PIEZO2: variants seen among roughly 807,000 people sequenced by gnomAD.
The protein encoded by PIEZO2 is piezo type mechanosensitive ion channel component 2, also known as piezo-type mechanosensitive ion channel component 2.
PIEZO2 carries 172 observed loss-of-function variants against 337.3 expected under a neutral mutation model. That is an observed-to-expected ratio of 0.51 (90% CI 0.45 to 0.58). PIEZO2 has a LOEUF of 0.58. Among genes scored for constraint, PIEZO2 ranks in the 20% least tolerant of loss-of-function variants. The probability of loss-of-function intolerance (pLI) is 0.00; values close to 1 mark genes in which losing one functional copy is unlikely to be tolerated. For synonymous variants in PIEZO2, 1,251 were observed against 1,228.5 expected (o/e 1.02, Z -0.38); for missense variants, 3,028 against 3,391.3 (o/e 0.89, Z 2.66).
rs537254265 is a variant in PIEZO2 at position 10,859,200 on chromosome 18, C to T, written c.493-1989G>A. Among the ~76,000 whole-genome samples, 30 of 152,296 alleles carry T rather than the reference C, an allele frequency of 2.0e-4. No individual in the cohort carries two copies. In the South Asian group the frequency reaches 4.8e-3, roughly 24 times the overall value. ...CAAAGTTACCAGCCCTGTGAAAGTC[C>T]TGGCAAAGTGCATTCCGGGTGGAGG... is the stretch of plus-strand genomic sequence containing the variant. On this transcript the variant is annotated intron_variant, in intron 5 of 55. Transcript: ENST00000674853. This position sits in a 1 kb window ranked among gnomAD's most constrained non-coding sequence, Gnocchi z 4.9.
In PIEZO2 at chr18:10,982,708, A is replaced by C. The variant is rs932175499; in HGVS notation, c.161-3048T>G. Among the ~76,000 whole-genome samples the C allele has an allele frequency of 6.6e-6, 1 of 152,058 alleles. No homozygotes were observed. Among genetic ancestry groups the C allele is most frequent in the Admixed American group, 6.6e-5 (1 of 15,244 alleles). On this transcript the variant is annotated intron_variant, in intron 2 of 55. Coordinates refer to ENST00000674853, the MANE Select transcript of PIEZO2 (RefSeq NM_001378183.1). The surrounding 1 kb of genome is among the most constrained non-coding windows in gnomAD (Gnocchi z 4.1). ...ATCATAGCAGATATTAAAATATGTT[A>C]TAAAACCATATGTTTATTTATTTTT...
At chr18:10,922,576 A>C (rs1480567308) in intron 3 of PIEZO2, among the ~76,000 whole-genome samples, 1 of 152,006 alleles carries the variant, frequency 6.6e-6, no homozygotes, top group Non-Finnish European at 1.5e-5. Flanking sequence ...CTGAGCGAGG[A>C]GAAGACCCTG....
At chr18:10,906,639 C>A (rs918198171) in intron 4 of PIEZO2, among the ~76,000 whole-genome samples, 6 of 152,052 alleles carry the variant, frequency 3.9e-5, no homozygotes, top group African/African-American at 1.2e-4. Flanking sequence ...GGGCTCACTG[C>A]AACCTCCGCC....
At position 10,759,392 on chromosome 18, in the gene PIEZO2, G is replaced by C. The variant is rs2038024593; in HGVS notation, c.3757+90C>G. The C allele has an allele frequency of 9.0e-7, 1 of 1,107,236 alleles. No individual in the cohort carries two copies. The highest frequency in any genetic ancestry group is 1.6e-5 in the African/African-American group (1 of 64,260). The allele number at this position is 1,107,236 out of a possible 1,614,324, so 68.6% of individuals were successfully genotyped here. A position where few individuals can be genotyped will look rare whatever the true frequency, so the allele number is the denominator to read the frequency against. On this transcript the variant is annotated intron_variant, in intron 26 of 55. Coordinates refer to ENST00000674853, the MANE Select transcript of PIEZO2 (RefSeq NM_001378183.1). The surrounding 1 kb of genome is among the most constrained non-coding windows in gnomAD (Gnocchi z 5.5). ...TACATGATTACGAAGTCTAGTGGAA[G>C]ACAAAAGGCACTAATGCATAGCACG...
chr18:10,687,583 T>A (rs942777899), intron 49 of PIEZO2, among the ~76,000 whole-genome samples: 1 of 152,198 alleles, frequency 6.6e-6, no homozygotes, highest in Non-Finnish European at 1.5e-5. Flanking sequence ...AACATGACTT[T>A]GCCAACCCTA....
At chr18:11,059,974 G>A (rs1266124897) in intron 2 of PIEZO2, among the ~76,000 whole-genome samples, 6 of 152,096 alleles carry the variant, frequency 3.9e-5, no homozygotes, top group East Asian at 3.9e-4. Flanking sequence ...GCACCACACC[G>A]CACTTATTCC....
chr18:10,697,766 T>A lies in PIEZO2; in HGVS notation c.6809A>T (p.Lys2270Ile). The A allele has an allele frequency of 6.2e-7, 1 of 1,614,130 alleles. No homozygotes were observed. The highest frequency in any genetic ancestry group is 1.3e-5 in the African/African-American group (1 of 75,022). Reference sequence around the variant, plus strand: ...GACTCACTTCTTTATGGTAAAGGCTTTTGCTTTGATTAAATGTTCTTGAAG... The same window carrying A: ...GACTCACTTCTTTATGGTAAAGGCTATTGCTTTGATTAAATGTTCTTGAAG... Reference protein sequence around the residue: ...EKLQEHLIKAKAFTIKKTLEI... With the variant: ...EKLQEHLIKAIAFTIKKTLEI... Residue 2270 changes from lysine to isoleucine, a missense_variant, in exon 45 of 56, where the codon AAA becomes ATA. Lys to Ile is a moderately radical substitution (Grantham distance 102). Coordinates refer to ENST00000674853, the MANE Select transcript of PIEZO2 (RefSeq NM_001378183.1).
chr18:10,970,660 T>TCTCACACACACA (rs1254875088), intron 3 of PIEZO2, among the ~76,000 whole-genome samples: 2 of 137,434 alleles, frequency 1.5e-5, no homozygotes, highest in African/African-American at 2.6e-5. Flanking sequence ...AAAAGATGTT[T>TCTCACACACACA]CACACACACA....
At position 10,705,667 on chromosome 18, in the gene PIEZO2, C is replaced by T. The variant is rs575008778; in HGVS notation, c.5668G>A (p.Glu1890Lys). 1 of 1,537,152 alleles carries T rather than the reference C, an allele frequency of 6.5e-7. No homozygotes were observed. Among genetic ancestry groups the T allele is most frequent in the East Asian group, 2.4e-5 (1 of 40,890 alleles). The change falls in exon 41 of 56, where the codon GAG becomes AAG. Residue 1890 changes from glutamate (E) to lysine (K), a missense_variant. Glu to Lys is a moderately conservative substitution (Grantham distance 56, BLOSUM62 1). Around this residue, in one of 5 missense-constraint regions of PIEZO2, gnomAD observed 1,925 missense variants for 2,051.9 expected, o/e 0.94. Transcript: ENST00000674853. ...TIEEVEAEQEEEAGSTAPEPR... is the reference protein window; with the variant it reads ...TIEEVEAEQEKEAGSTAPEPR... ...TCAGGCGCCGTGCTCCCTGCCTCCT[C>T]CTCCTGCTCAGCCTCCACCTCCTCG...
At chr18:10,818,336 G>T (rs1401535615) in intron 7 of PIEZO2, among the ~76,000 whole-genome samples, 6 of 152,176 alleles carry the variant, frequency 3.9e-5, no homozygotes, top group Non-Finnish European at 8.8e-5. Flanking sequence ...CTAATAAGAA[G>T]TTAATATGTA....
At chr18:11,037,727 C>G (rs1013136418) in intron 2 of PIEZO2, among the ~76,000 whole-genome samples, 1 of 152,182 alleles carries the variant, frequency 6.6e-6, no homozygotes, top group African/African-American at 2.4e-5. Context: ...AGGCCTGTGA[C>G]TCCGGCAGTC....
At chr18:11,064,561 T>G (rs994943699) in intron 2 of PIEZO2, among the ~76,000 whole-genome samples, 1 of 152,214 alleles carries the variant, frequency 6.6e-6, no homozygotes, top group African/African-American at 2.4e-5. Context: ...TCCCTGATAG[T>G]GTCAGTCCTT....
At position 11,111,893 on chromosome 18, in the gene PIEZO2, T is replaced by C. The variant is rs1328607692; in HGVS notation, c.64+36632A>G. Among the ~76,000 whole-genome samples the C allele has an allele frequency of 6.6e-6, 1 of 152,222 alleles. No individual in the cohort carries two copies. The highest frequency in any genetic ancestry group is 6.5e-5 in the Admixed American group (1 of 15,280). On this transcript the variant is annotated intron_variant, in intron 1 of 55. Coordinates refer to ENST00000674853, the MANE Select transcript of PIEZO2 (RefSeq NM_001378183.1). The surrounding 1 kb of genome is among the most constrained non-coding windows in gnomAD (Gnocchi z 6.2). ...TAGATTATAAAGTCAAATAACAATG[T>C]GTCTCTTTTAAGATAAAACACAAGA...
chr18:10,798,670 G>A (rs1028623097), intron 11 of PIEZO2, among the ~76,000 whole-genome samples: 3 of 152,224 alleles, frequency 2.0e-5, no homozygotes, highest in South Asian at 2.1e-4. Flanking sequence ...TGGGTTGTCC[G>A]TGTCAGCACG....
rs548561483 is a variant in PIEZO2 at position 11,109,266 on chromosome 18, G to T, written c.64+39259C>A. Among the ~76,000 whole-genome samples the T allele has an allele frequency of 4.2e-4, 64 of 152,338 alleles. No homozygotes were observed. The South Asian group carries it at 9.5e-3, about 23-fold the overall frequency. ...CATGATCATTTAAGGAGGGTAAAAA[G>T]CTCCAGTCAAAGGTATTGCTGAATT... On this transcript the variant is annotated intron_variant, in intron 1 of 55. Transcript: ENST00000674853. This position sits in a 1 kb window ranked among gnomAD's most constrained non-coding sequence, Gnocchi z 5.1.
Position 10,750,047 on chromosome 18 carries a change from C to G in PIEZO2, c.4264+44G>C. On this transcript the variant is annotated intron_variant, in intron 29 of 55. Transcript: ENST00000674853. This position sits in a 1 kb window ranked among gnomAD's most constrained non-coding sequence, Gnocchi z 4.1. ...AAAACTAGAACAATACAACTATCCTCCCTCTTCTGCCTTTCTGCCTTCACA... is the reference window on the plus strand; with the variant it reads ...AAAACTAGAACAATACAACTATCCTGCCTCTTCTGCCTTTCTGCCTTCACA... 1 of 1,379,038 alleles carries G rather than the reference C, an allele frequency of 7.3e-7. No homozygotes were observed. Among genetic ancestry groups the G allele is most frequent in the East Asian group, 2.5e-5 (1 of 40,102 alleles). The allele number at this position is 1,379,038 out of a possible 1,614,324, so 85.4% of individuals were successfully genotyped here.
At chr18:10,675,428 T>A (rs1042019720) in intron 53 of PIEZO2, 140 bp from the exon 54 acceptor site, 4 of 447,540 alleles carry the variant, frequency 8.9e-6, no homozygotes, top group Non-Finnish European at 1.5e-5. Context: ...GTAGACATCA[T>A]AATTTACGGG....
At position 11,112,521 on chromosome 18, in the gene PIEZO2, T is replaced by C. The variant is rs1203890634; in HGVS notation, c.64+36004A>G. Among the ~76,000 whole-genome samples the C allele has an allele frequency of 6.6e-6, 1 of 152,188 alleles. No individual in the cohort carries two copies. Among genetic ancestry groups the C allele is most frequent in the African/African-American group, 2.4e-5 (1 of 41,446 alleles). ...TCCAAATTTTACACTGACTGATGAG[T>C]CTTCTGTACATCAACAAAGTTAACA... is the stretch of plus-strand genomic sequence containing the variant. On this transcript the variant is annotated intron_variant, in intron 1 of 55. Transcript: ENST00000674853. This position sits in a 1 kb window ranked among gnomAD's most constrained non-coding sequence, Gnocchi z 4.3.
At chr18:11,061,801 A>T (rs1472024896) in intron 2 of PIEZO2, among the ~76,000 whole-genome samples, 3 of 152,248 alleles carry the variant, frequency 2.0e-5, no homozygotes, top group African/African-American at 7.2e-5. Context: ...CATGGGTAGG[A>T]AGAATCAATA....
Sources: allele counts gnomAD v4.1 joint callset (sites outside exome capture counted in the v4.1 genomes callset), GRCh38; gene constraint gnomAD v4.1.1; regional missense constraint gnomAD v4.1.1; non-coding constraint Gnocchi (gnomAD v3.1); transcripts MANE v1.5; gene names NCBI Gene and HGNC (gene_info 2026-07-23, HGNC 2026-07-21).